Variants in CNGB3 observed in about 807,000 individuals in gnomAD.
CNGB3 encodes cyclic nucleotide gated channel subunit beta 3.
CNGB3 carries 86 observed loss-of-function variants against 92.8 expected under a neutral mutation model. The observed-to-expected ratio is 0.93, with a 90% CI of 0.78 to 1.11. The LOEUF (loss-of-function observed/expected upper bound fraction) is 1.11, where lower values mean the gene tolerates loss of function less well. CNGB3 is among the 50% of genes least tolerant of loss of function. The pLI is 0.00. For synonymous variants in CNGB3, 333 were observed against 332.7 expected (o/e 1.00, Z -0.01); for missense variants, 1,026 against 956.8 (o/e 1.07, Z -0.95).
At chr8:86,690,151 A>G (rs1038722027) in intron 3 of CNGB3, among the ~76,000 whole-genome samples, 5 of 152,196 alleles carry the variant, frequency 3.3e-5, no homozygotes, top group African/African-American at 7.2e-5. Context: ...GACTTCCACA[A>G]TGGTTGAACT....
At chr8:86,666,202 C>T (rs1049278091) in intron 6 of CNGB3, among the ~76,000 whole-genome samples, 1 of 152,234 alleles carries the variant, frequency 6.6e-6, no homozygotes, top group Admixed American at 6.5e-5. Context: ...AACTGCTTCA[C>T]AGACTGTTTG....
chr8:86,626,999 C>T (rs1423538531), intron 12 of CNGB3, among the ~76,000 whole-genome samples: 1 of 151,922 alleles, frequency 6.6e-6, no homozygotes, highest in Non-Finnish European at 1.5e-5. Context: ...TCCTGTCCCT[C>T]TACCCACCCT....
At chr8:86,658,749 T>C (rs1445064416) in intron 6 of CNGB3, 2 of 498,040 alleles carry the variant, frequency 4.0e-6, no homozygotes, top group Non-Finnish European at 7.4e-6. Flanking sequence ...CATGTTCTCA[T>C]TGTTCAGCTT....
intron 13 of CNGB3, among the ~76,000 whole-genome samples, chr8:86,614,028 A>C (rs754459798): frequency 6.6e-6 from 1 of 150,850 alleles, no homozygotes; most frequent in African/African-American, 2.4e-5. Context: ...ATATGTATAT[A>C]TACACACACA....
At chr8:86,644,587 T>C (rs750551369) in intron 9 of CNGB3, 35 bp downstream of exon 9, 1 of 1,596,970 alleles carries the variant, frequency 6.3e-7, no homozygotes. Context: ...CATTGCTTTT[T>C]CCCCTTCCCC....
rs868521949 is a variant in CNGB3, at chr8:86,694,296, C to T, written c.339-23198G>A. On this transcript the variant is annotated intron_variant, in intron 3 of 17. Transcript: ENST00000320005. ...GGGGCTCCTCACTTCCCAGTAGGGG[C>T]GGCCGGGCTGAGGCGCCCCTCACCT... 6.0e-4 allele frequency among the ~76,000 whole-genome samples: 84 copies of T among 139,842 alleles called. 1 individual carries two copies. The South Asian group carries it at 7.5e-3, about 12-fold the overall frequency. 91.7% of individuals were successfully genotyped at this position (139,842 alleles called of 152,430 possible).
At chr8:86,712,670 A>G (rs1043217495) in intron 3 of CNGB3, among the ~76,000 whole-genome samples, 2 of 151,770 alleles carry the variant, frequency 1.3e-5, no homozygotes, top group Admixed American at 6.6e-5. Flanking sequence ...CACTTTTTAA[A>G]TTATAGAAGT....
chr8:86,664,138 T>A (rs1385538819), intron 6 of CNGB3, among the ~76,000 whole-genome samples: 1 of 152,238 alleles, frequency 6.6e-6, no homozygotes, highest in Non-Finnish European at 1.5e-5. Context: ...CTATAAAGTC[T>A]GCACAAGGAA....
chr8:86,652,483 T>C (rs1033793079), intron 7 of CNGB3, among the ~76,000 whole-genome samples: 26 of 152,062 alleles, frequency 1.7e-4, no homozygotes, highest in African/African-American at 6.0e-4. Flanking sequence ...TTTTTACTCT[T>C]TTGTAATAAC....
At chr8:86,649,528 T>G (rs1027234139) in intron 7 of CNGB3, among the ~76,000 whole-genome samples, 4 of 151,338 alleles carry the variant, frequency 2.6e-5, no homozygotes, top group Admixed American at 2.6e-4. Flanking sequence ...GAACAAAGCA[T>G]ACTAAAACAT....
At chr8:86,668,197 C>A (rs1202562073) in intron 4 of CNGB3, 29 bp from the exon 5 acceptor site, 3 of 1,608,168 alleles carry the variant, frequency 1.9e-6, no homozygotes, top group Non-Finnish European at 2.5e-6. Flanking sequence ...AAAGATGAAA[C>A]ATTTGAAGAG....
intron 4 of CNGB3, 93 bp downstream of exon 4, chr8:86,670,851 T>C: frequency 7.7e-7 from 1 of 1,305,078 alleles, no homozygotes; most frequent in Non-Finnish European, 1.1e-6. Context: ...TTTCTCAGGG[T>C]CTGCTTTTGG....
At chr8:86,685,982 A>AG (rs35551455) in intron 3 of CNGB3, among the ~76,000 whole-genome samples, 105,053 of 151,846 alleles carry the variant, frequency 0.69, 37,171 homozygotes, top group African/African-American at 0.84. Flanking sequence ...TGTAAAGTAA[A>AG]CTAATATTTT....
At chr8:86,694,632 C>A (rs561222231) in intron 3 of CNGB3, among the ~76,000 whole-genome samples, 4 of 151,394 alleles carry the variant, frequency 2.6e-5, no homozygotes, top group African/African-American at 9.7e-5. Flanking sequence ...GGGTCGCGGC[C>A]GGGCAGAGGC....
rs563771804 is a variant in CNGB3 at position 86,695,480 on chromosome 8, C to A, written c.339-24382G>T. Among the ~76,000 whole-genome samples the A allele has an allele frequency of 4.6e-5, 7 of 152,300 alleles. No individual in the cohort carries two copies. In the South Asian group the frequency reaches 1.4e-3, roughly 32 times the overall value. On this transcript the variant is annotated intron_variant, in intron 3 of 17. Coordinates refer to ENST00000320005, the MANE Select transcript of CNGB3 (RefSeq NM_019098.5). Reference sequence around the variant, plus strand: ...AAACCTTCCAGTGTATTTTGCATTTCTCTAAGTGTGTCTTTCATTTCCAGA... The same window carrying A: ...AAACCTTCCAGTGTATTTTGCATTTATCTAAGTGTGTCTTTCATTTCCAGA...
chr8:86,703,477 T>C (rs1316022999), intron 3 of CNGB3, among the ~76,000 whole-genome samples: 1 of 152,234 alleles, frequency 6.6e-6, no homozygotes, highest in Non-Finnish European at 1.5e-5. Flanking sequence ...TGTTTTCCTT[T>C]GATCTTTTTT....
At chr8:86,618,437 T>C (rs1433360863) in intron 13 of CNGB3, among the ~76,000 whole-genome samples, 9 of 152,250 alleles carry the variant, frequency 5.9e-5, no homozygotes, top group African/African-American at 2.2e-4. Flanking sequence ...ATTTACTATA[T>C]GCCAGGTACT....
At chr8:86,658,322 C>T (rs1823560745) in intron 6 of CNGB3, 1 of 487,750 alleles carries the variant, frequency 2.1e-6, no homozygotes, top group Non-Finnish European at 3.9e-6. Context: ...GGATGCTTGG[C>T]ATGAGCGGAA....
At chr8:86,653,267 G>C (rs1823440501) in intron 7 of CNGB3, among the ~76,000 whole-genome samples, 2 of 151,968 alleles carry the variant, frequency 1.3e-5, no homozygotes, top group African/African-American at 4.8e-5. Flanking sequence ...AAGCAGCATA[G>C]AGATCTTTTA....
Sources: gnomAD v4.1 joint callset for allele counts (sites outside exome capture counted in the v4.1 genomes callset) on GRCh38, gnomAD v4.1.1 for gene constraint, MANE v1.5 for transcripts, NCBI Gene and HGNC (gene_info 2026-07-23, HGNC 2026-07-21) for gene names.